The following PCDHGA2 variants were observed in gnomAD, a reference collection of about 807,000 sequenced individuals.
PCDHGA2 encodes the protein protocadherin gamma subfamily A, 2.
PCDHGA2 carries 40 observed loss-of-function variants against 59.2 expected under a neutral mutation model. The ratio of observed to expected loss-of-function variants is 0.68; its 90% CI spans 0.52 to 0.88. The LOEUF is 0.88. PCDHGA2 is among the 40% of genes least tolerant of loss of function. The pLI is 0.00. For missense variants in PCDHGA2, 1,226 were observed against 1,204.0 expected (o/e 1.02, Z -0.27); for synonymous variants, 560 against 526.0 (o/e 1.06, Z -0.89).
chr5:141,404,468 T>G, intron 1 of PCDHGA2: 2 of 1,613,514 alleles, frequency 1.2e-6, no homozygotes, highest in Non-Finnish European at 8.5e-7. Context: ...CACCTATGTC[T>G]CTATTAACTC....
In PCDHGA2 at chr5:141,421,238, G is replaced by C. The variant is rs920128735; in HGVS notation, c.2425-73569G>C. 3.1e-6 allele frequency: 5 copies of C among 1,597,422 alleles called. No individual in the cohort carries two copies. Among genetic ancestry groups the C allele is most frequent in the African/African-American group, 2.7e-5 (2 of 74,378 alleles). ...GGCTTAGAGCCTGCCATGGCGAATC[G>C]GCTACAGCGCGGGGACCGCAGTCGG... On this transcript the variant is annotated intron_variant, in intron 1 of 3. Transcript: ENST00000394576.
intron 2 of PCDHGA2, among the ~76,000 whole-genome samples, chr5:141,501,286 C>T (rs2099806802): frequency 8.9e-6 from 1 of 112,422 alleles, no homozygotes; most frequent in African/African-American, 3.5e-5. Context: ...GGGATATTCC[C>T]TTATACACAC....
rs373096276 is a variant in PCDHGA2, at chr5:141,346,200, C to T, written c.2424+4805C>T. The T allele has an allele frequency of 8.7e-6, 14 of 1,614,108 alleles. No individual in the cohort carries two copies. Among genetic ancestry groups the T allele is most frequent in the Non-Finnish European group, 1.2e-5 (14 of 1,180,004 alleles). On this transcript the variant is annotated intron_variant, in intron 1 of 3. Coordinates refer to ENST00000394576, the MANE Select transcript of PCDHGA2 (RefSeq NM_018915.4). ...CAGGCTGCGGCGCTGGCACAAGTCA[C>T]GCCTGCTGCAGGCTTCGGGAGGCGG...
In PCDHGA2 at chr5:141,339,408, C is replaced by T; in HGVS notation, c.437C>T (p.Thr146Ile). ...CTGGAGCTAAAAATCAGTGAAACCACTACGCCAGGATTCCGGATTCCTCTT... is the reference window on the plus strand; with the variant it reads ...CTGGAGCTAAAAATCAGTGAAACCATTACGCCAGGATTCCGGATTCCTCTT... Reference protein sequence around the residue: ...EELELKISETTTPGFRIPLKN... With the variant: ...EELELKISETITPGFRIPLKN... The change falls in exon 1 of 4, where the codon ACT (threonine) becomes ATT (isoleucine). Residue 146 changes from threonine (T) to isoleucine (I), a missense_variant. Transcript: ENST00000394576. 1 of 1,614,228 alleles carries T rather than the reference C, an allele frequency of 6.2e-7. No individual in the cohort carries two copies. Among genetic ancestry groups the T allele is most frequent in the Non-Finnish European group, 8.5e-7 (1 of 1,180,030 alleles).
intron 1 of PCDHGA2, among the ~76,000 whole-genome samples, chr5:141,429,712 C>T (rs998121271): frequency 1.3e-5 from 2 of 151,994 alleles, no homozygotes; most frequent in African/African-American, 2.4e-5. Flanking sequence ...TAAATATTTA[C>T]GCTCATGAAA....
chr5:141,389,590 G>C (rs1409328445), intron 1 of PCDHGA2: 1 of 1,613,014 alleles, frequency 6.2e-7, no homozygotes, highest in Non-Finnish European at 8.5e-7. Context: ...GGTCCCGACG[G>C]CTCTGCGCTC....
At chr5:141,395,494 T>G in intron 1 of PCDHGA2, 3 of 484,122 alleles carry the variant, frequency 6.2e-6, no homozygotes, top group Middle Eastern at 5.6e-4. Context: ...TTATCACTCA[T>G]TCACTTAAGA....
At chr5:141,409,870 T>A (rs980871481) in intron 1 of PCDHGA2, 2 of 1,612,670 alleles carry the variant, frequency 1.2e-6, no homozygotes, top group Admixed American at 1.7e-5. Context: ...GAGACCGCAA[T>A]GACAACGCAC....
chr5:141,454,281 A>C (rs1048947689), intron 1 of PCDHGA2, among the ~76,000 whole-genome samples: 2 of 152,242 alleles, frequency 1.3e-5, no homozygotes, highest in African/African-American at 4.8e-5. Context: ...AAAACTTCAC[A>C]TTAAAGGAAC....
At chr5:141,381,823 C>CTTTT (rs1777506241) in intron 1 of PCDHGA2, among the ~76,000 whole-genome samples, 2 of 101,602 alleles carry the variant, frequency 2.0e-5, no homozygotes, top group Non-Finnish European at 3.9e-5. Context: ...TTTCTTTCTT[C>CTTTT]TTCTTTTTTT....
intron 1 of PCDHGA2, among the ~76,000 whole-genome samples, chr5:141,425,482 C>T (rs1257043728): frequency 6.6e-6 from 1 of 152,192 alleles, no homozygotes; most frequent in Non-Finnish European, 1.5e-5. Context: ...CCTATGGCAA[C>T]CTACTAGGCT....
intron 3 of PCDHGA2, among the ~76,000 whole-genome samples, chr5:141,510,533 C>A (rs1366903068): frequency 6.6e-6 from 1 of 152,118 alleles, no homozygotes; most frequent in Non-Finnish European, 1.5e-5. Flanking sequence ...GAGAGAAATA[C>A]CAGCGAATGT....
At chr5:141,398,573 G>A (rs561224063) in intron 1 of PCDHGA2, 39 of 1,613,870 alleles carry the variant, frequency 2.4e-5, no homozygotes, top group Non-Finnish European at 3.1e-5. Flanking sequence ...GCACAGCCTG[G>A]CACAAGATTT....
At chr5:141,387,602 G>A in intron 1 of PCDHGA2, 3 of 545,116 alleles carry the variant, frequency 5.5e-6, no homozygotes, top group Middle Eastern at 9.5e-4. Context: ...AGCAGCAGAG[G>A]CTGTAGTTTC....
chr5:141,422,030 C>G, intron 1 of PCDHGA2: 1 of 1,609,592 alleles, frequency 6.2e-7, no homozygotes, highest in African/African-American at 1.3e-5. Flanking sequence ...GTTAATGCAA[C>G]GGATCCAGAC....
Position 141,450,950 on chromosome 5 carries a change from A to G in PCDHGA2, c.2425-43857A>G, listed in dbSNP as rs1176916120. ...AGCAATTCTCCTACCTCAGCCTCCCAAGTAGCTGGGATTACAGGCATGTGC... is the reference window on the plus strand; with the variant it reads ...AGCAATTCTCCTACCTCAGCCTCCCGAGTAGCTGGGATTACAGGCATGTGC... On this transcript the variant is annotated intron_variant, in intron 1 of 3. Coordinates refer to ENST00000394576, the MANE Select transcript of PCDHGA2 (RefSeq NM_018915.4). Among the ~76,000 whole-genome samples, 9 of 150,714 alleles carry G rather than the reference A, an allele frequency of 6.0e-5. No individual in the cohort carries two copies. In the East Asian group the frequency reaches 1.6e-3, roughly 26 times the overall value.
intron 2 of PCDHGA2, among the ~76,000 whole-genome samples, chr5:141,501,258 T>G (rs2099806611): frequency 1.3e-5 from 2 of 150,950 alleles, no homozygotes; most frequent in South Asian, 4.2e-4. Flanking sequence ...GGGAGTATTT[T>G]ATTATAGTCC....
At chr5:141,394,425 G>A (rs2092997484) in intron 1 of PCDHGA2, 6 of 1,614,232 alleles carry the variant, frequency 3.7e-6, no homozygotes, top group Non-Finnish European at 5.1e-6. Flanking sequence ...CAGCGACAGC[G>A]GGGACCCGCC....
intron 1 of PCDHGA2, chr5:141,409,337 A>T: frequency 6.2e-7 from 1 of 1,614,012 alleles, no homozygotes; most frequent in Non-Finnish European, 8.5e-7. Flanking sequence ...TTTCGGAGGA[A>T]ATGGAGAAGT....
Sources: allele counts gnomAD v4.1 joint callset (sites outside exome capture counted in the v4.1 genomes callset), GRCh38; gene constraint gnomAD v4.1.1; transcripts MANE v1.5; gene names NCBI Gene and HGNC (gene_info 2026-07-23, HGNC 2026-07-21).